The following PCLO variants were observed in gnomAD, a reference collection of about 807,000 sequenced individuals.
PCLO encodes piccolo presynaptic cytomatrix protein.
In PCLO, 82 loss-of-function variants were observed where a neutral mutation model predicts 427.5. That is an observed-to-expected ratio of 0.19 (90% confidence interval 0.16 to 0.23). PCLO has a LOEUF of 0.23. Among genes scored for constraint, PCLO ranks in the 10% least tolerant of loss-of-function variants. The probability of loss-of-function intolerance (pLI) is 1.00; values close to 1 mark genes in which losing one functional copy is unlikely to be tolerated. For synonymous variants in PCLO, 2,357 were observed against 2,155.4 expected (o/e 1.09, Z -2.59); for missense variants, 6,239 against 6,115.9 (o/e 1.02, Z -0.67).
chr7:82,978,606 G>T (rs1315617606), intron 3 of PCLO, among the ~76,000 whole-genome samples: 1 of 151,330 alleles, frequency 6.6e-6, no homozygotes, highest in East Asian at 1.9e-4. Flanking sequence ...ATATTCATAT[G>T]TATTATATGC....
chr7:83,148,192 C>T lies in PCLO; in HGVS notation c.1893+6556G>A, dbSNP rs918174933. Among the ~76,000 whole-genome samples, 5 of 152,150 alleles carry T rather than the reference C, an allele frequency of 3.3e-5. 1 individual carries two copies. Among genetic ancestry groups the T allele is most frequent in the African/African-American group, 1.2e-4 (5 of 41,444 alleles). On this transcript the variant is annotated intron_variant, in intron 2 of 24. Coordinates refer to ENST00000333891, the MANE Select transcript of PCLO (RefSeq NM_033026.6). ...TGACCCACAGCCTCAGTTAGGACTA[C>T]AGCCGATTAGAATTTTAGTCACCAT...
chr7:82,954,818 C>G lies in PCLO; in HGVS notation c.6135G>C (p.Leu2045=), dbSNP rs897450592. 26 of 1,613,708 alleles carry G rather than the reference C, an allele frequency of 1.6e-5. No homozygotes were observed. The Admixed American group carries it at 4.2e-4, about 26-fold the overall frequency. Residue 2045 remains leucine (L), a synonymous_variant, in exon 5 of 25, where the codon CTG becomes CTC. Transcript: ENST00000333891. ...IIPESHEIVD[L]GTMVTSTEEE... ...CTTCTGTAGAAGTTACCATAGTACC[C>G]AGGTCCACTATCTCATGGCTTTCTG... is the stretch of plus-strand genomic sequence containing the variant.
intron 3 of PCLO, among the ~76,000 whole-genome samples, chr7:83,009,092 T>A (rs915348360): frequency 6.6e-6 from 1 of 151,766 alleles, no homozygotes; most frequent in Non-Finnish European, 1.5e-5. Context: ...GATAGCCTTT[T>A]TAGTGGGTAC....
At position 82,826,666 on chromosome 7, in the gene PCLO, T is replaced by C. The variant is rs774778240; in HGVS notation, c.14344-6A>G. The C allele has an allele frequency of 2.6e-5, 40 of 1,553,786 alleles. No homozygotes were observed. Among genetic ancestry groups the C allele is most frequent in the South Asian group, 1.1e-4 (9 of 85,432 alleles). The stretch of plus-strand genomic sequence containing the variant: ...TCCAGTGTTTTCTTCTTGAGCTATA[T>C]AGTTCAAATAGAAATCTAATTAAAC... On this transcript the variant is annotated splice_polypyrimidine_tract_variant and splice_region_variant and intron_variant, in intron 17 of 24. Coordinates refer to ENST00000333891, the MANE Select transcript of PCLO (RefSeq NM_033026.6).
chr7:83,024,434 G>A (rs1200984869), intron 3 of PCLO, among the ~76,000 whole-genome samples: 1 of 152,206 alleles, frequency 6.6e-6, no homozygotes, highest in Non-Finnish European at 1.5e-5. Context: ...ATTATATCCC[G>A]CACGTGGCTC....
intron 3 of PCLO, among the ~76,000 whole-genome samples, chr7:83,055,173 C>T (rs779007126): frequency 2.0e-5 from 3 of 151,870 alleles, no homozygotes; most frequent in Non-Finnish European, 4.4e-5. Context: ...GCAAATAATC[C>T]CAAAACAAAT....
At chr7:82,929,872 T>G (rs1253765668) in intron 6 of PCLO, among the ~76,000 whole-genome samples, 1 of 152,202 alleles carries the variant, frequency 6.6e-6, no homozygotes, top group Non-Finnish European at 1.5e-5. Context: ...TTTGTCCTTC[T>G]GTCCATCCGT....
intron 3 of PCLO, among the ~76,000 whole-genome samples, chr7:83,101,306 A>G (rs10954706): frequency 0.46 from 69,194 of 151,544 alleles, 16,176 homozygotes; most frequent in East Asian, 0.71. Context: ...TAAAACAGGA[A>G]AGCTAATATG....
intron 9 of PCLO, among the ~76,000 whole-genome samples, chr7:82,898,304 A>G (rs1341786640): frequency 1.3e-5 from 2 of 151,526 alleles, no homozygotes; most frequent in Non-Finnish European, 3.0e-5. Flanking sequence ...AATCTTTGAG[A>G]TCATGAGGGT....
At chr7:82,971,217 A>G (rs1052133673) in intron 3 of PCLO, among the ~76,000 whole-genome samples, 3 of 151,858 alleles carry the variant, frequency 2.0e-5, no homozygotes, top group Admixed American at 1.3e-4. Context: ...CAATGTATCA[A>G]TGCCATGTAT....
In PCLO at chr7:82,956,724, G is replaced by C. The variant is rs1425596449; in HGVS notation, c.4229C>G (p.Ala1410Gly). ...AGATAGGACTGTACTTTCTAACTTA[G>C]CCAAATCTGAGGGGCTGGAAGGGCT... ...ESSPSSPSDL[A>G]KLESTVLSIL... The change falls in exon 5 of 25, where the codon GCT becomes GGT. Residue 1410 changes from alanine (A) to glycine (G), a missense_variant. Coordinates refer to ENST00000333891, the MANE Select transcript of PCLO (RefSeq NM_033026.6). 1 of 1,613,584 alleles carries C rather than the reference G, an allele frequency of 6.2e-7. No homozygotes were observed. The highest frequency in any genetic ancestry group is 1.3e-5 in the African/African-American group (1 of 74,888).
At chr7:83,066,454 G>A (rs986042008) in intron 3 of PCLO, among the ~76,000 whole-genome samples, 2 of 152,014 alleles carry the variant, frequency 1.3e-5, no homozygotes, top group Non-Finnish European at 2.9e-5. Context: ...ACACCTGCAT[G>A]AACACACATC....
intron 10 of PCLO, among the ~76,000 whole-genome samples, chr7:82,867,410 A>G (rs1793123815): frequency 6.6e-6 from 1 of 152,216 alleles, no homozygotes; most frequent in Non-Finnish European, 1.5e-5. Context: ...GTTTTAAAAA[A>G]TCCAGGCAAT....
In PCLO at chr7:83,135,217, A is replaced by G. The variant is rs1791691635; in HGVS notation, c.2333T>C (p.Ile778Thr). 6 of 1,613,788 alleles carry G rather than the reference A, an allele frequency of 3.7e-6. No individual in the cohort carries two copies. The South Asian group carries it at 5.5e-5, about 15-fold the overall frequency. The change falls in exon 3 of 25, where the codon ATT becomes ACT. Residue 778 changes from isoleucine (I) to threonine (T), a missense_variant. By Grantham distance (89) the Ile-to-Thr change is moderately conservative (BLOSUM62 -1). Transcript: ENST00000333891. ...TTGTGACTGTACTTTGGAGCTTGGA[A>G]TATCAGGTTTTGTTGTTGCTGATGA... ...SSSSATTKPD[I>T]PSSKVQSQAE...
chr7:83,013,262 T>A (rs1788129781), intron 3 of PCLO, among the ~76,000 whole-genome samples: 1 of 152,186 alleles, frequency 6.6e-6, no homozygotes, highest in Non-Finnish European at 1.5e-5. Flanking sequence ...AGTTTTACAT[T>A]TCAGTTTGGC....
In PCLO at chr7:82,951,449, G is replaced by C; in HGVS notation, c.9139C>G (p.Pro3047Ala). 1.9e-6 allele frequency: 3 copies of C among 1,586,488 alleles called. No homozygotes were observed. Among genetic ancestry groups the C allele is most frequent in the Non-Finnish European group, 2.6e-6 (3 of 1,165,082 alleles). ...CCTGAAATGACTTGTCGTGTTTCTG[G>C]ATATGGACCTGTAGTCTTGCTTGAA... Reference protein sequence around the residue: ...DYSSKTTGPYPETRQVISGAG... With the variant: ...DYSSKTTGPYAETRQVISGAG... Residue 3047 changes from proline (P) to alanine (A), a missense_variant, in exon 6 of 25, where the codon CCA (proline) becomes GCA (alanine). By Grantham distance (27) the Pro-to-Ala change is conservative. This residue lies in a region of PCLO where 4,677 missense variants were observed against 4,468.4 expected (regional missense o/e 1.05). Coordinates refer to ENST00000333891, the MANE Select transcript of PCLO (RefSeq NM_033026.6).
rs1788848852 is a variant in PCLO, at chr7:83,038,017, A to ATATCTTTATATATATATCTT, written c.3301-71531_3301-71530insAAGATATATATATAAAGATA. Among the ~76,000 whole-genome samples the ATATCTTTATATATATATCTT allele has an allele frequency of 8.2e-3, 367 of 44,906 alleles. 71 individuals carry two copies. Among genetic ancestry groups the ATATCTTTATATATATATCTT allele is most frequent in the African/African-American group, 0.05 (348 of 6,954 alleles). 29.5% of individuals were successfully genotyped at this position (44,906 alleles called of 152,430 possible). On this transcript the variant is annotated intron_variant, in intron 3 of 24. Coordinates refer to ENST00000333891, the MANE Select transcript of PCLO (RefSeq NM_033026.6). Reference sequence around the variant, plus strand: ...TATATATATATATATATATATATATATATATATATATATTTATATATTTAT... The same window carrying ATATCTTTATATATATATCTT: ...TATATATATATATATATATATATATATATCTTTATATATATATCTTTATATATATATATTTATATATTTAT...
intron 2 of PCLO, among the ~76,000 whole-genome samples, chr7:83,139,620 C>T (rs1464046494): frequency 6.6e-6 from 1 of 152,078 alleles, no homozygotes; most frequent in African/African-American, 2.4e-5. Flanking sequence ...AGTCACTGTC[C>T]CTTCACAGGG....
At chr7:82,864,675 A>G (rs1429138379) in intron 10 of PCLO, among the ~76,000 whole-genome samples, 2 of 152,152 alleles carry the variant, frequency 1.3e-5, no homozygotes, top group Non-Finnish European at 1.5e-5. Context: ...GTTATCCTCA[A>G]AACGTTATAC....
Sources: gnomAD v4.1 joint callset for allele counts (sites outside exome capture counted in the v4.1 genomes callset) on GRCh38, gnomAD v4.1.1 for gene constraint, gnomAD v4.1.1 regional missense constraint, MANE v1.5 for transcripts, NCBI Gene and HGNC (gene_info 2026-07-23, HGNC 2026-07-21) for gene names.